MAGI3: variants seen among roughly 807,000 people sequenced by gnomAD.
The protein encoded by MAGI3 is membrane-associated guanylate kinase, WW and PDZ domain-containing protein 3.
A neutral mutation model predicts 121.8 loss-of-function variants in MAGI3; 43 were observed. The observed-to-expected ratio is 0.35, with a 90% CI of 0.28 to 0.46. MAGI3 has a LOEUF of 0.46. MAGI3 is among the 20% of genes least tolerant of loss of function. MAGI3 has a pLI of 1.00. For synonymous variants in MAGI3, 553 were observed against 639.3 expected, an observed-to-expected ratio of 0.86 and a Z score of 2.04; for missense variants, 1,547 against 1,797.3, an observed-to-expected ratio of 0.86 and a Z score of 2.52.
intron 1 of MAGI3, among the ~76,000 whole-genome samples, chr1:113,471,352 A>G (rs1655529115): frequency 6.6e-6 from 1 of 152,214 alleles, no homozygotes; most frequent in Non-Finnish European, 1.5e-5. Flanking sequence ...TGGAAATTAA[A>G]CAACATACTC....
At chr1:113,519,089 C>A (rs948188918) in intron 1 of MAGI3, among the ~76,000 whole-genome samples, 1 of 151,978 alleles carries the variant, frequency 6.6e-6, no homozygotes, top group Non-Finnish European at 1.5e-5. Flanking sequence ...AAAACAGAAA[C>A]CAAAGCCTCA....
At chr1:113,535,390 T>C (rs1256234944) in intron 1 of MAGI3, among the ~76,000 whole-genome samples, 2 of 152,116 alleles carry the variant, frequency 1.3e-5, no homozygotes, top group African/African-American at 2.4e-5. Context: ...TTTTAGAATA[T>C]GTTTTGCATA....
At chr1:113,572,897 T>A (rs1041243695) in intron 2 of MAGI3, among the ~76,000 whole-genome samples, 3 of 152,074 alleles carry the variant, frequency 2.0e-5, no homozygotes, top group African/African-American at 7.2e-5. Flanking sequence ...TCTTCAGTTC[T>A]GCTTTGATCT....
At chr1:113,613,350 G>A (rs570081800) in intron 6 of MAGI3, among the ~76,000 whole-genome samples, 20 of 152,106 alleles carry the variant, frequency 1.3e-4, no homozygotes, top group Non-Finnish European at 2.9e-4. Context: ...CAATATATAT[G>A]CAGAAAAGTA....
At chr1:113,583,786 T>C (rs1648191070) in intron 3 of MAGI3, among the ~76,000 whole-genome samples, 1 of 150,996 alleles carries the variant, frequency 6.6e-6, no homozygotes, top group African/African-American at 2.4e-5. Context: ...TACAAATCTT[T>C]GCATCCATCT....
intron 1 of MAGI3, among the ~76,000 whole-genome samples, chr1:113,475,869 G>A (rs1011057796): frequency 6.6e-6 from 1 of 151,978 alleles, no homozygotes; most frequent in South Asian, 2.1e-4. Context: ...GACTTTTTTT[G>A]GTTGGTAGGC....
chr1:113,472,206 T>G (rs900138485), intron 1 of MAGI3, among the ~76,000 whole-genome samples: 1 of 148,608 alleles, frequency 6.7e-6, no homozygotes, highest in Non-Finnish European at 1.5e-5. Context: ...TAGATCTTGT[T>G]TTTTTTTTTT....
intron 11 of MAGI3, 79 bp downstream of exon 11, chr1:113,643,853 A>C: frequency 1.5e-6 from 2 of 1,368,308 alleles, no homozygotes; most frequent in Non-Finnish European, 2.1e-6. Flanking sequence ...AGAGGAGCTC[A>C]CTGTGGTGAT....
chr1:113,645,011 C>T (rs1378928566), intron 11 of MAGI3, among the ~76,000 whole-genome samples: 1 of 146,114 alleles, frequency 6.8e-6, no homozygotes, highest in Non-Finnish European at 1.5e-5. Flanking sequence ...AAGAATCCCT[C>T]AGCTTCTGGC....
intron 1 of MAGI3, among the ~76,000 whole-genome samples, chr1:113,427,702 C>T (rs1157989840): frequency 1.3e-5 from 2 of 152,052 alleles, no homozygotes; most frequent in African/African-American, 4.8e-5. Context: ...TATATACAGG[C>T]GAAGAACAAG....
intron 1 of MAGI3, among the ~76,000 whole-genome samples, chr1:113,437,286 T>G (rs1214853409): frequency 6.6e-6 from 1 of 152,108 alleles, no homozygotes; most frequent in Non-Finnish European, 1.5e-5. Flanking sequence ...TAAACTCATC[T>G]TTATCTATTA....
intron 2 of MAGI3, among the ~76,000 whole-genome samples, chr1:113,560,311 G>A (rs980150092): frequency 6.6e-6 from 1 of 152,040 alleles, no homozygotes; most frequent in African/African-American, 2.4e-5. Flanking sequence ...GGGAGGCAGA[G>A]GTTGCAGTGA....
intron 6 of MAGI3, among the ~76,000 whole-genome samples, chr1:113,602,184 G>A (rs1248856917): frequency 6.6e-6 from 1 of 151,822 alleles, no homozygotes; most frequent in Non-Finnish European, 1.5e-5. Context: ...TAACTAACCT[G>A]CACATTGTGC....
chr1:113,478,863 C>T (rs149664833), intron 1 of MAGI3, among the ~76,000 whole-genome samples: 1,578 of 152,332 alleles, frequency 0.01, 19 homozygotes, highest in South Asian at 0.033. Context: ...GAGGTGGAGT[C>T]TAGAGGCAGT....
chr1:113,549,490 T>TTTG (rs1659675701), intron 1 of MAGI3, 25 bp from the exon 2 acceptor site: 7 of 607,076 alleles, frequency 1.2e-5, no homozygotes, highest in Non-Finnish European at 1.7e-5. Flanking sequence ...TTATTTTCTG[T>TTTG]TTTTTTTTTT....
intron 1 of MAGI3, among the ~76,000 whole-genome samples, chr1:113,540,832 CA>C (rs1228395742): frequency 2.0e-5 from 3 of 150,822 alleles, no homozygotes; most frequent in South Asian, 4.2e-4. Flanking sequence ...ATCATAAAAA[CA>C]AAAAAAAGTC....
At chr1:113,553,052 A>G (rs1411296653) in intron 2 of MAGI3, among the ~76,000 whole-genome samples, 1 of 152,192 alleles carries the variant, frequency 6.6e-6, no homozygotes, top group Non-Finnish European at 1.5e-5. Context: ...TACTCCAAAA[A>G]TCTGAAACAA....
At chr1:113,534,375 A>G (rs999021189) in intron 1 of MAGI3, among the ~76,000 whole-genome samples, 11 of 152,108 alleles carry the variant, frequency 7.2e-5, no homozygotes, top group Non-Finnish European at 8.8e-5. Flanking sequence ...TCCTTCTTTC[A>G]TCTGAGCCTC....
chr1:113,466,918 G>GT (rs1194710534), intron 1 of MAGI3, among the ~76,000 whole-genome samples: 3 of 151,490 alleles, frequency 2.0e-5, no homozygotes, highest in South Asian at 2.1e-4. Flanking sequence ...CTTCTGTATT[G>GT]TTTTTTAAGT....
Sources: gnomAD v4.1 joint callset for allele counts (sites outside exome capture counted in the v4.1 genomes callset) on GRCh38, gnomAD v4.1.1 for gene constraint, MANE v1.5 for transcripts, NCBI Gene and HGNC (gene_info 2026-07-23, HGNC 2026-07-21) for gene names.